The following CACNA1G variants were observed in gnomAD, a reference collection of about 807,000 sequenced individuals.
CACNA1G encodes the protein voltage-dependent T-type calcium channel subunit alpha-1G.
A neutral mutation model predicts 219.4 loss-of-function variants in CACNA1G; 67 were observed. The observed-to-expected ratio is 0.31, with a 90% CI of 0.25 to 0.37. CACNA1G has a LOEUF of 0.37. CACNA1G is among the 10% of genes least tolerant of loss of function. The pLI, the probability that CACNA1G is intolerant of heterozygous loss-of-function variation, is 1.00. For synonymous variants in CACNA1G, 1,296 were observed against 1,345.3 expected (o/e 0.96, Z 0.80); for missense variants, 2,380 against 3,231.4 (o/e 0.74, Z 6.39).
chr17:50,600,749 G>T lies in CACNA1G; in HGVS notation c.3714G>T (p.Ala1238=), dbSNP rs755158469. ...GNLSKGERVR[A]WIRARLPACC... ...AGAGCAAAGGGGAACGGGTCCGCGC[G>T]TGGATCCGAGCCCGACTCCCTGCCT... Residue 1238 remains alanine (A), a synonymous_variant, in exon 18 of 38, where the codon GCG becomes GCT. Coordinates refer to ENST00000359106, the MANE Select transcript of CACNA1G (RefSeq NM_018896.5). This position sits in a 1 kb window ranked among gnomAD's most constrained non-coding sequence, Gnocchi z 4.1. 1.2e-6 allele frequency: 2 copies of T among 1,613,800 alleles called. No individual in the cohort carries two copies. Among genetic ancestry groups the T allele is most frequent in the Middle Eastern group, 1.6e-4 (1 of 6,062 alleles).
At chr17:50,606,787 C>T (rs999735112) in intron 23 of CACNA1G, 113 bp from the exon 24 acceptor site, 2 of 752,158 alleles carry the variant, frequency 2.7e-6, no homozygotes, top group African/African-American at 3.5e-5. Context: ...AGCTTGACCC[C>T]TCAAGGGCTG....
rs2051997392 is a variant in CACNA1G, at chr17:50,621,443, C to T, written c.5926-217C>T. 6.6e-6 allele frequency among the ~76,000 whole-genome samples: 1 copy of T among 152,122 alleles called. No individual in the cohort carries two copies. Among genetic ancestry groups the T allele is most frequent in the Admixed American group, 6.5e-5 (1 of 15,280 alleles). On this transcript the variant is annotated intron_variant, in intron 34 of 37. Transcript: ENST00000359106. The surrounding 1 kb of genome is among the most constrained non-coding windows in gnomAD (Gnocchi z 4.6). ...TCTGGCTCTTCAGTGCCTGCCGCAG[C>T]CTCTCTGATCAGAGCAGGGGGTTGA...
rs755221106 is a variant in CACNA1G at position 50,617,560 on chromosome 17, G to T, written c.5144G>T (p.Arg1715Leu). Residue 1715 changes from arginine (R) to leucine (L), a missense_variant, in exon 29 of 38, where the codon CGC becomes CTC. This residue lies in a region of CACNA1G where 123 missense variants were observed against 258.4 expected (regional missense o/e 0.48). Coordinates refer to ENST00000359106, the MANE Select transcript of CACNA1G (RefSeq NM_018896.5). This position sits in a 1 kb window ranked among gnomAD's most constrained non-coding sequence, Gnocchi z 5.8. ...PTIIRIMRVL[R>L]IARVLKLLKM... The stretch of plus-strand genomic sequence containing the variant: ...ATCATCCGCATCATGAGGGTGCTGC[G>T]CATTGCCCGAGGTTGGTGCCCAGCC... The T allele has an allele frequency of 6.2e-7, 1 of 1,613,936 alleles. No homozygotes were observed. The highest frequency in any genetic ancestry group is 8.5e-7 in the Non-Finnish European group (1 of 1,179,870).
intron 9 of CACNA1G, among the ~76,000 whole-genome samples, chr17:50,581,037 CAG>C (rs2041849828): frequency 6.9e-6 from 1 of 144,736 alleles, no homozygotes. Flanking sequence ...AATGGGGACA[CAG>C]AGGGAGACAG....
intron 23 of CACNA1G, chr17:50,606,484 G>T (rs1473427178): frequency 3.4e-6 from 2 of 580,594 alleles, no homozygotes; most frequent in East Asian, 5.6e-5. Context: ...AGGATGCAAT[G>T]AGATGATGTG....
Position 50,600,543 on chromosome 17 carries a change from C to A in CACNA1G, c.3691-183C>A, listed in dbSNP as rs2046415405. Among the ~76,000 whole-genome samples the A allele has an allele frequency of 6.6e-6, 1 of 151,808 alleles. No homozygotes were observed. Among genetic ancestry groups the A allele is most frequent in the African/African-American group, 2.4e-5 (1 of 41,264 alleles). On this transcript the variant is annotated intron_variant, in intron 17 of 37. Transcript: ENST00000359106. The surrounding 1 kb of genome is among the most constrained non-coding windows in gnomAD (Gnocchi z 4.1). ...GGGTCCTCAGGGATGGGGAGGGGGCCTGGCAAGGTTGACAGGGAGATGAGG... is the reference window on the plus strand; with the variant it reads ...GGGTCCTCAGGGATGGGGAGGGGGCATGGCAAGGTTGACAGGGAGATGAGG...
In CACNA1G at chr17:50,569,155, C is replaced by T. The variant is rs1440146200; in HGVS notation, c.355-10C>T. 1.9e-6 allele frequency: 3 copies of T among 1,612,720 alleles called. No homozygotes were observed. The highest frequency in any genetic ancestry group is 2.2e-5 in the South Asian group (2 of 90,934). On this transcript the variant is annotated splice_polypyrimidine_tract_variant and intron_variant, in intron 2 of 37. Transcript: ENST00000359106. The stretch of plus-strand genomic sequence containing the variant: ...GTCTCAGTTTCAGCCACCTCTTGTC[C>T]CCACATCAGGCCTTTGATGACTTCA...
rs775784254 is a variant in CACNA1G at position 50,626,367 on chromosome 17, G to A, written c.6750G>A (p.Glu2250=). 1.9e-6 allele frequency: 3 copies of A among 1,612,332 alleles called. No individual in the cohort carries two copies. The highest frequency in any genetic ancestry group is 2.5e-6 in the Non-Finnish European group (3 of 1,179,366). ...PRDLKKCYSV[E]AQSCQRRPTS... ...ACCTGAAGAAGTGCTACAGCGTGGA[G>A]GCCCAGAGCTGCCAGCGCCGGCCTA... Residue 2250 remains glutamate (E), a synonymous_variant, in exon 38 of 38, where the codon GAG becomes GAA. Transcript: ENST00000359106. This position sits in a 1 kb window ranked among gnomAD's most constrained non-coding sequence, Gnocchi z 4.3.
rs761893460 is a variant in CACNA1G at position 50,571,987 on chromosome 17, G to T, written c.696G>T (p.Leu232=). ...FFIFGIVGVQ[L]WAGLLRNRCF... is the part of the protein sequence containing the mutation. Reference sequence around the variant, plus strand: ...TCTTCGGCATCGTCGGCGTCCAGCTGTGGGCAGGGCTGCTTCGGAACCGAT... The same window carrying T: ...TCTTCGGCATCGTCGGCGTCCAGCTTTGGGCAGGGCTGCTTCGGAACCGAT... Residue 232 remains leucine (L), a synonymous_variant, in exon 5 of 38, where the codon CTG becomes CTT. Coordinates refer to ENST00000359106, the MANE Select transcript of CACNA1G (RefSeq NM_018896.5). This position sits in a 1 kb window ranked among gnomAD's most constrained non-coding sequence, Gnocchi z 4.3. 1 of 1,613,878 alleles carries T rather than the reference G, an allele frequency of 6.2e-7. No homozygotes were observed. Among genetic ancestry groups the T allele is most frequent in the Non-Finnish European group, 8.5e-7 (1 of 1,179,854 alleles).
rs368139276 is a variant in CACNA1G, at chr17:50,618,912, C to T, written c.5685C>T (p.Val1895=). ...PLGSPFLWPG[V]EGPDSPDSPK... The stretch of plus-strand genomic sequence containing the variant: ...GCAGCCCCTTCCTCTGGCCTGGGGT[C>T]GAGGGCCCCGACAGCCCCGACAGCC... Residue 1895 remains valine, a synonymous_variant, in exon 33 of 38, where the codon GTC becomes GTT. Coordinates refer to ENST00000359106, the MANE Select transcript of CACNA1G (RefSeq NM_018896.5). This position sits in a 1 kb window ranked among gnomAD's most constrained non-coding sequence, Gnocchi z 5.3. The T allele has an allele frequency of 8.1e-6, 13 of 1,607,094 alleles. No homozygotes were observed. The highest frequency in any genetic ancestry group is 6.7e-5 in the African/African-American group (5 of 74,804).
chr17:50,564,010 C>A (rs1001477014), intron 1 of CACNA1G, among the ~76,000 whole-genome samples: 1 of 152,090 alleles, frequency 6.6e-6, no homozygotes, highest in Admixed American at 6.5e-5. Flanking sequence ...AGGACACTCC[C>A]CTCCACCCCC....
At position 50,617,342 on chromosome 17, in the gene CACNA1G, G is replaced by A; in HGVS notation, c.5022-96G>A. On this transcript the variant is annotated intron_variant, in intron 28 of 37. Transcript: ENST00000359106. The surrounding 1 kb of genome is among the most constrained non-coding windows in gnomAD (Gnocchi z 5.8). ...TGGGAGGCTGGACCCGCTGATGTCTGCCCTCCTTTCAAGCCCTGTCTTTCT... is the reference window on the plus strand; with the variant it reads ...TGGGAGGCTGGACCCGCTGATGTCTACCCTCCTTTCAAGCCCTGTCTTTCT... 2 of 1,362,400 alleles carry A rather than the reference G, an allele frequency of 1.5e-6. No individual in the cohort carries two copies. The highest frequency in any genetic ancestry group is 2.4e-5 in the East Asian group (1 of 40,996). 84.4% of individuals were successfully genotyped at this position (1,362,400 alleles called of 1,614,324 possible). A position where few individuals can be genotyped will look rare whatever the true frequency, so the allele number is the denominator to read the frequency against.
chr17:50,615,933 C>T (rs2050466017), intron 27 of CACNA1G, among the ~76,000 whole-genome samples: 2 of 152,240 alleles, frequency 1.3e-5, no homozygotes, highest in African/African-American at 2.4e-5. Flanking sequence ...TTCCAGCCGT[C>T]GGTTTCCCTG....
intron 9 of CACNA1G, among the ~76,000 whole-genome samples, chr17:50,588,417 C>T (rs889152733): frequency 7.5e-5 from 4 of 53,346 alleles, no homozygotes; most frequent in African/African-American, 3.5e-4. Flanking sequence ...GAAAACACGG[C>T]GAGTGGCAGA....
At chr17:50,575,106 T>G (rs1328037146) in intron 7 of CACNA1G, among the ~76,000 whole-genome samples, 1 of 152,224 alleles carries the variant, frequency 6.6e-6, no homozygotes, top group East Asian at 1.9e-4. Flanking sequence ...CAATATAATT[T>G]GAAAACCCCA....
Position 50,596,834 on chromosome 17 carries a change from G to T in CACNA1G, c.3169G>T (p.Gly1057Cys), listed in dbSNP as rs1295755425. 1.2e-6 allele frequency: 2 copies of T among 1,607,928 alleles called. No homozygotes were observed. Among genetic ancestry groups the T allele is most frequent in the South Asian group, 2.2e-5 (2 of 90,142 alleles). Residue 1057 changes from glycine to cysteine, a missense_variant, in exon 16 of 38, where the codon GGC (glycine) becomes TGC (cysteine). Around this residue, in one of 17 missense-constraint regions of CACNA1G, gnomAD observed 418 missense variants for 434.3 expected, o/e 0.96. Coordinates refer to ENST00000359106, the MANE Select transcript of CACNA1G (RefSeq NM_018896.5). The surrounding 1 kb of genome is among the most constrained non-coding windows in gnomAD (Gnocchi z 4.8). ...PMSLPKSTST[G>C]LGEALGPASR... is the part of the protein sequence containing the mutation. Reference sequence around the variant, plus strand: ...GTCGCTGCCCAAGAGCACCAGCACGGGCCTGGGCGAGGCGCTGGGCCCTGC... The same window carrying T: ...GTCGCTGCCCAAGAGCACCAGCACGTGCCTGGGCGAGGCGCTGGGCCCTGC...
Position 50,617,800 on chromosome 17 carries a change from G to A in CACNA1G, c.5156-59G>A. On this transcript the variant is annotated intron_variant, in intron 29 of 37. Coordinates refer to ENST00000359106, the MANE Select transcript of CACNA1G (RefSeq NM_018896.5). This position sits in a 1 kb window ranked among gnomAD's most constrained non-coding sequence, Gnocchi z 5.8. ...CCAGCCCAGCCCTGGTCCTGACTCT[G>A]CCAGCTGTCTGGCCGGGGACCCAAA... 6.3e-7 allele frequency: 1 copy of A among 1,587,332 alleles called. No homozygotes were observed. Among genetic ancestry groups the A allele is most frequent in the East Asian group, 2.2e-5 (1 of 44,706 alleles).
Position 50,566,551 on chromosome 17 carries a change from G to A in CACNA1G, c.243-2319G>A, listed in dbSNP as rs78835393. Among the ~76,000 whole-genome samples the A allele has an allele frequency of 1.1e-4, 17 of 152,334 alleles. No homozygotes were observed. The East Asian group carries it at 2.7e-3, about 24-fold the overall frequency. ...TAAGAGGCCTCCAGTCTGAGCCTGG[G>A]TAAGGTGGGGACAGAAAGAGGGGCA... On this transcript the variant is annotated intron_variant, in intron 1 of 37. Transcript: ENST00000359106.
At position 50,619,332 on chromosome 17, in the gene CACNA1G, G is replaced by A. The variant is rs142556646; in HGVS notation, c.5781+324G>A. Among the ~76,000 whole-genome samples, 90 of 152,152 alleles carry A rather than the reference G, an allele frequency of 5.9e-4. 1 individual carries two copies. In the East Asian group the frequency reaches 0.016, roughly 28 times the overall value. On this transcript the variant is annotated intron_variant, in intron 33 of 37. Transcript: ENST00000359106. Reference sequence around the variant, plus strand: ...GTTTCTTTCTTACCCTTGCCCAACTGCCAAATCTCTTTCCTACCCACCCTT... The same window carrying A: ...GTTTCTTTCTTACCCTTGCCCAACTACCAAATCTCTTTCCTACCCACCCTT...
Sources: allele counts gnomAD v4.1 joint callset (sites outside exome capture counted in the v4.1 genomes callset), GRCh38; gene constraint gnomAD v4.1.1; regional missense constraint gnomAD v4.1.1; non-coding constraint Gnocchi (gnomAD v3.1); transcripts MANE v1.5; gene names NCBI Gene and HGNC (gene_info 2026-07-23, HGNC 2026-07-21).